Variants in NPHS2 observed in about 807,000 individuals in gnomAD.
The protein encoded by NPHS2 is NPHS2 stomatin family member, podocin, also known as podocin.
A neutral mutation model predicts 37.1 loss-of-function variants in NPHS2; 36 were observed. That is an observed-to-expected ratio of 0.97 (90% CI 0.74 to 1.28). NPHS2 has a LOEUF of 1.28. Ranked by LOEUF, NPHS2 falls within the 50% of genes most tolerant of loss-of-function variation. The pLI is 0.00. For synonymous variants in NPHS2, 196 were observed against 189.3 expected, an observed-to-expected ratio of 1.04 and a Z score of -0.29; for missense variants, 447 against 488.1, an observed-to-expected ratio of 0.92 and a Z score of 0.79.
intron 2 of NPHS2, among the ~76,000 whole-genome samples, chr1:179,563,057 A>G (rs1425795707): frequency 1.3e-5 from 2 of 152,210 alleles, no homozygotes; most frequent in African/African-American, 4.8e-5. Flanking sequence ...GCCTGCTGCC[A>G]ACTATACACT....
At chr1:179,560,851 A>G (rs927755631) in intron 3 of NPHS2, among the ~76,000 whole-genome samples, 12 of 152,164 alleles carry the variant, frequency 7.9e-5, no homozygotes, top group East Asian at 1.9e-4. Flanking sequence ...TGCTTAATCT[A>G]TGTTTTTTAA....
At chr1:179,559,788 G>A in intron 3 of NPHS2, 27 bp from the exon 4 acceptor site, 1 of 1,459,798 alleles carries the variant, frequency 6.9e-7, no homozygotes, top group Non-Finnish European at 9.4e-7. Flanking sequence ...GGAAGTGACA[G>A]ATAAATAGCT....
chr1:179,551,255 G>A lies in NPHS2; in HGVS notation c.1070C>T (p.Thr357Ile), dbSNP rs767997664. 1 of 1,614,124 alleles carries A rather than the reference G, an allele frequency of 6.2e-7. No homozygotes were observed. Among genetic ancestry groups the A allele is most frequent in the Non-Finnish European group, 8.5e-7 (1 of 1,180,004 alleles). The change falls in exon 8 of 8, where the codon ACT (threonine) becomes ATT (isoleucine). Residue 357 changes from threonine to isoleucine, a missense_variant. Coordinates refer to ENST00000367615, the MANE Select transcript of NPHS2 (RefSeq NM_014625.4). ...LNCLSSPSNRTQGSLPFPSPS... is the reference protein window; with the variant it reads ...LNCLSSPSNRIQGSLPFPSPS... ...ACTTGGGAAGGGGAGGCTTCCCTGA[G>A]TTCTGTTGCTGGGAGAAGACAGGCA...
chr1:179,558,986 T>C (rs1272459344), intron 4 of NPHS2, among the ~76,000 whole-genome samples: 2 of 152,166 alleles, frequency 1.3e-5, no homozygotes, highest in Non-Finnish European at 2.9e-5. Flanking sequence ...GGTTTCATCA[T>C]ACATATATAT....
chr1:179,554,990 C>T (rs1248839046), intron 5 of NPHS2, among the ~76,000 whole-genome samples: 1 of 152,126 alleles, frequency 6.6e-6, no homozygotes, highest in Non-Finnish European at 1.5e-5. Context: ...TGGAATGATG[C>T]ACTCTAAAGA....
intron 3 of NPHS2, among the ~76,000 whole-genome samples, chr1:179,561,085 A>G (rs1674118751): frequency 6.6e-6 from 1 of 152,192 alleles, no homozygotes; most frequent in African/African-American, 2.4e-5. Flanking sequence ...CTCTGTACCA[A>G]TTCTCTCTCT....
At chr1:179,570,061 C>T (rs1674494464) in intron 1 of NPHS2, among the ~76,000 whole-genome samples, 1 of 152,166 alleles carries the variant, frequency 6.6e-6, no homozygotes, top group African/African-American at 2.4e-5. Flanking sequence ...GTGGTGTTCT[C>T]TGTATTTCCT....
chr1:179,571,617 A>T (rs905555672), intron 1 of NPHS2, among the ~76,000 whole-genome samples: 1 of 152,170 alleles, frequency 6.6e-6, no homozygotes, highest in Non-Finnish European at 1.5e-5. Flanking sequence ...TCAGACAGGG[A>T]TGTTTAAGTC....
At position 179,559,666 on chromosome 1, in the gene NPHS2, T is replaced by A. The variant is rs192539858; in HGVS notation, c.534+13A>T. The A allele has an allele frequency of 1.8e-4, 285 of 1,540,768 alleles. No homozygotes were observed. Among genetic ancestry groups the A allele is most frequent in the Admixed American group, 1.0e-3 (58 of 56,068 alleles). On this transcript the variant is annotated intron_variant, in intron 4 of 7. Transcript: ENST00000367615. ...AAATGTATAGAGAAAGCAAAAGCCA[T>A]CATTTGGCTTACCTCATGAAAAGGT...
At chr1:179,575,052 A>C (rs1461076689) in intron 1 of NPHS2, among the ~76,000 whole-genome samples, 1 of 152,200 alleles carries the variant, frequency 6.6e-6, no homozygotes, top group African/African-American at 2.4e-5. Context: ...CTATGATCAC[A>C]TGGCTAGCAA....
intron 4 of NPHS2, among the ~76,000 whole-genome samples, chr1:179,557,714 A>AATATAG (rs1673991104): frequency 1.3e-5 from 2 of 152,234 alleles, no homozygotes; most frequent in Non-Finnish European, 2.9e-5. Context: ...GATGTTACTC[A>AATATAG]CAGTATTGCT....
At chr1:179,559,949 G>T (rs1380368250) in intron 3 of NPHS2, among the ~76,000 whole-genome samples, 188 bp from the exon 4 acceptor site, 4 of 152,224 alleles carry the variant, frequency 2.6e-5, no homozygotes, top group Non-Finnish European at 5.9e-5. Flanking sequence ...TGTAATCCAG[G>T]ACAATAGGTA....
intron 1 of NPHS2, among the ~76,000 whole-genome samples, chr1:179,575,239 T>A (rs1342336486): frequency 6.6e-6 from 1 of 152,120 alleles, no homozygotes; most frequent in African/African-American, 2.4e-5. Context: ...AGCTCGTGCA[T>A]GTCTTTACTT....
intron 1 of NPHS2, among the ~76,000 whole-genome samples, chr1:179,573,920 A>T (rs543409659): frequency 1.3e-5 from 2 of 152,372 alleles, no homozygotes; most frequent in East Asian, 1.9e-4. Context: ...TTATTCAAGC[A>T]GGAAAACCTT....
At chr1:179,568,602 T>G (rs1346971790) in intron 1 of NPHS2, among the ~76,000 whole-genome samples, 5 of 152,118 alleles carry the variant, frequency 3.3e-5, no homozygotes, top group African/African-American at 4.8e-5. Flanking sequence ...GCTTTTGAAT[T>G]TGTTTGCTCT....
At chr1:179,552,803 A>G (rs997778975) in intron 6 of NPHS2, 122 bp from the exon 7 acceptor site, 14 of 751,386 alleles carry the variant, frequency 1.9e-5, no homozygotes, top group Non-Finnish European at 3.3e-5. Context: ...TGGAGTGACC[A>G]GAGTGTGCCA....
intron 4 of NPHS2, among the ~76,000 whole-genome samples, chr1:179,558,960 T>C (rs1015101928): frequency 6.6e-6 from 1 of 152,178 alleles, no homozygotes; most frequent in Non-Finnish European, 1.5e-5. Flanking sequence ...CTATAGAATG[T>C]GTATGTGTGT....
In NPHS2 at chr1:179,571,526, G is replaced by A. The variant is rs757800864; in HGVS notation, c.274+4065C>T. On this transcript the variant is annotated intron_variant, in intron 1 of 7. Coordinates refer to ENST00000367615, the MANE Select transcript of NPHS2 (RefSeq NM_014625.4). ...TCCCAGTTACACTACACGGGGGTCAGGGACCCACTTGAGGGGGCAGTCTGT... is the reference window on the plus strand; with the variant it reads ...TCCCAGTTACACTACACGGGGGTCAAGGACCCACTTGAGGGGGCAGTCTGT... Among the ~76,000 whole-genome samples, 67 of 152,232 alleles carry A rather than the reference G, an allele frequency of 4.4e-4. 1 individual carries two copies. The highest frequency in any genetic ancestry group is 7.2e-4 in the Non-Finnish European group (49 of 68,048).
chr1:179,565,322 C>A (rs190922523), intron 1 of NPHS2, among the ~76,000 whole-genome samples: 4 of 151,976 alleles, frequency 2.6e-5, no homozygotes, highest in African/African-American at 9.7e-5. Context: ...GGAACAGGCA[C>A]AAAATTTGTG....
Sources: allele counts gnomAD v4.1 joint callset (sites outside exome capture counted in the v4.1 genomes callset), GRCh38; gene constraint gnomAD v4.1.1; transcripts MANE v1.5; gene names NCBI Gene and HGNC (gene_info 2026-07-23, HGNC 2026-07-21).